NCAM2: variants seen among roughly 807,000 people sequenced by gnomAD.
The protein encoded by NCAM2 is neural cell adhesion molecule 2.
NCAM2 carries 30 observed loss-of-function variants against 98.1 expected under a neutral mutation model. The observed-to-expected ratio is 0.31, with a 90% CI of 0.23 to 0.41. The LOEUF is 0.41. NCAM2 is among the 10% of genes least tolerant of loss of function. The pLI is 1.00. For synonymous variants in NCAM2, 368 were observed against 342.4 expected (o/e 1.07, Z -0.83); for missense variants, 867 against 1,005.8 (o/e 0.86, Z 1.87).
rs112493059 is a variant in NCAM2 at position 21,452,095 on chromosome 21, A to C, written c.1655-14511A>C. Among the ~76,000 whole-genome samples the C allele has an allele frequency of 3.7e-3, 550 of 150,524 alleles. 4 individuals are homozygous for C. Among genetic ancestry groups the C allele is most frequent in the African/African-American group, 0.013 (518 of 40,498 alleles). On this transcript the variant is annotated intron_variant, in intron 12 of 17. Transcript: ENST00000400546. ...CTTTCGTTTTAGGATATAGTTTATT[A>C]GTGACTTTATCTCTTATGTTATGTA...
chr21:21,358,874 A>G (rs2075567700), intron 8 of NCAM2, among the ~76,000 whole-genome samples: 1 of 152,006 alleles, frequency 6.6e-6, no homozygotes, highest in Admixed American at 6.6e-5. Flanking sequence ...TATAAATTTG[A>G]TATTTACTAA....
chr21:21,437,912 T>TTA (rs145129785), intron 12 of NCAM2, among the ~76,000 whole-genome samples: 27,830 of 150,196 alleles, frequency 0.19, 2,767 homozygotes, highest in African/African-American at 0.26. Context: ...AAAGCACATA[T>TTA]TATATATATA....
At chr21:21,112,700 C>A (rs1183319806) in intron 1 of NCAM2, among the ~76,000 whole-genome samples, 3 of 152,150 alleles carry the variant, frequency 2.0e-5, no homozygotes, top group Non-Finnish European at 2.9e-5. Context: ...TTATCACCCA[C>A]AAGCAAGTGG....
rs149582953 is a variant in NCAM2, at chr21:21,132,513, C to G, written c.55+133895C>G. On this transcript the variant is annotated intron_variant, in intron 1 of 17. Coordinates refer to ENST00000400546, the MANE Select transcript of NCAM2 (RefSeq NM_004540.5). Reference sequence around the variant, plus strand: ...CAGTATATCTGCATTTTTATTACAGCTTGTATTTAATTATGTATGTGTACA... The same window carrying G: ...CAGTATATCTGCATTTTTATTACAGGTTGTATTTAATTATGTATGTGTACA... Among the ~76,000 whole-genome samples the G allele has an allele frequency of 1.2e-3, 187 of 152,068 alleles. 1 individual carries two copies. The highest frequency in any genetic ancestry group is 4.4e-3 in the African/African-American group (184 of 41,498).
chr21:21,005,766 A>G (rs1356847049), intron 1 of NCAM2, among the ~76,000 whole-genome samples: 1 of 151,540 alleles, frequency 6.6e-6, no homozygotes, highest in Admixed American at 6.6e-5. Flanking sequence ...TCTTTTTAAC[A>G]CTGGCACACC....
chr21:21,025,025 T>A (rs564996100), intron 1 of NCAM2, among the ~76,000 whole-genome samples: 29 of 152,354 alleles, frequency 1.9e-4, no homozygotes, highest in African/African-American at 7.0e-4. Context: ...TTGCATTCTT[T>A]CCTCTAAATA....
intron 16 of NCAM2, among the ~76,000 whole-genome samples, chr21:21,521,251 G>A (rs139516858): frequency 1.6e-4 from 25 of 152,166 alleles, no homozygotes; most frequent in African/African-American, 5.1e-4. Context: ...CCAGAATCAC[G>A]GACTCACTAA....
chr21:21,411,221 T>TAC (rs1233481962), intron 10 of NCAM2, among the ~76,000 whole-genome samples: 3 of 139,602 alleles, frequency 2.1e-5, no homozygotes, highest in Non-Finnish European at 3.1e-5. Flanking sequence ...AATTTTTCCA[T>TAC]ATATATATAT....
intron 1 of NCAM2, among the ~76,000 whole-genome samples, chr21:21,237,278 AT>A (rs1272228606): frequency 6.6e-6 from 1 of 152,032 alleles, no homozygotes; most frequent in East Asian, 1.9e-4. Flanking sequence ...TGTGGTTTCA[AT>A]TTTTTTAAGG....
At chr21:21,047,312 G>A (rs1229590933) in intron 1 of NCAM2, among the ~76,000 whole-genome samples, 3 of 152,006 alleles carry the variant, frequency 2.0e-5, no homozygotes, top group African/African-American at 7.2e-5. Flanking sequence ...AGAAAAATAT[G>A]CCAGAAAGCA....
intron 5 of NCAM2, among the ~76,000 whole-genome samples, chr21:21,323,061 G>GAAAAACCTTTACTGTAAT (rs1421914962): frequency 6.6e-6 from 1 of 152,084 alleles, no homozygotes; most frequent in Non-Finnish European, 1.5e-5. Context: ...TCTAAGGAAT[G>GAAAAACCTTTACTGTAAT]AAAAACCTTT....
rs542278160 is a variant in NCAM2, at chr21:21,490,894, G to A, written c.2077+13423G>A. Reference sequence around the variant, plus strand: ...TCCAGCACTGTGTGTAATCCTATGCGTGTGTTTCATAGTATATTAAATGTC... The same window carrying A: ...TCCAGCACTGTGTGTAATCCTATGCATGTGTTTCATAGTATATTAAATGTC... On this transcript the variant is annotated intron_variant, in intron 15 of 17. Transcript: ENST00000400546. Among the ~76,000 whole-genome samples, 60 of 151,722 alleles carry A rather than the reference G, an allele frequency of 4.0e-4. 1 individual carries two copies. The South Asian group carries it at 9.2e-3, about 23-fold the overall frequency.
chr21:21,457,137 A>G (rs1982263974), intron 12 of NCAM2, among the ~76,000 whole-genome samples: 1 of 152,138 alleles, frequency 6.6e-6, no homozygotes, highest in African/African-American at 2.4e-5. Flanking sequence ...AAGTGTTGGC[A>G]TTGCCTCAAA....
chr21:21,429,194 A>C (rs1222168154), intron 11 of NCAM2, among the ~76,000 whole-genome samples: 1 of 152,222 alleles, frequency 6.6e-6, no homozygotes, highest in African/African-American at 2.4e-5. Flanking sequence ...ATATAACTAG[A>C]AGAGACTAGG....
chr21:21,292,388 A>G, intron 5 of NCAM2, 147 bp downstream of exon 5: 1 of 763,950 alleles, frequency 1.3e-6, no homozygotes, highest in Non-Finnish European at 2.0e-6. Flanking sequence ...TTATTATGGC[A>G]TCTGTAACAT....
intron 1 of NCAM2, among the ~76,000 whole-genome samples, chr21:21,026,640 T>TAAA (rs1555872188): frequency 4.4e-5 from 6 of 135,670 alleles, no homozygotes; most frequent in South Asian, 2.4e-4. Flanking sequence ...AAAAAAAAAT[T>TAAA]TTTCAAATTT....
chr21:21,072,267 T>G (rs2065588541), intron 1 of NCAM2, among the ~76,000 whole-genome samples: 1 of 152,168 alleles, frequency 6.6e-6, no homozygotes, highest in Admixed American at 6.5e-5. Flanking sequence ...GAAATGGAAT[T>G]ATCAGAATCC....
At chr21:21,106,051 T>C (rs1311302142) in intron 1 of NCAM2, among the ~76,000 whole-genome samples, 1 of 152,046 alleles carries the variant, frequency 6.6e-6, no homozygotes, top group East Asian at 1.9e-4. Context: ...TACGTGTGTA[T>C]GTAAAAAGGC....
chr21:21,164,341 T>A (rs909256479), intron 1 of NCAM2, among the ~76,000 whole-genome samples: 2 of 152,200 alleles, frequency 1.3e-5, no homozygotes, highest in Non-Finnish European at 2.9e-5. Context: ...ACTATAGAAG[T>A]TTGACCTTTT....
Sources: allele counts gnomAD v4.1 joint callset (sites outside exome capture counted in the v4.1 genomes callset), GRCh38; gene constraint gnomAD v4.1.1; transcripts MANE v1.5; gene names NCBI Gene and HGNC (gene_info 2026-07-23, HGNC 2026-07-21).